PPARG: variants seen among roughly 807,000 people sequenced by gnomAD.
The protein encoded by PPARG is peroxisome proliferator-activated receptor gamma.
In PPARG, 17 loss-of-function variants were observed where a neutral mutation model predicts 39.2. That is an observed-to-expected ratio of 0.43 (90% CI 0.30 to 0.65). The LOEUF is 0.65. PPARG is among the 30% of genes least tolerant of loss of function. PPARG has a pLI of 0.13. For missense variants in PPARG, 406 were observed against 585.9 expected (o/e 0.69, Z 3.17); for synonymous variants, 223 against 215.7 (o/e 1.03, Z -0.30).
chr3:12,324,370 G>A (rs181524706), intron 2 of PPARG, among the ~76,000 whole-genome samples: 4 of 152,250 alleles, frequency 2.6e-5, no homozygotes, highest in African/African-American at 7.2e-5. Flanking sequence ...GGATAATGAG[G>A]TTGATGTGCC....
At chr3:12,300,658 T>C (rs567476760) in intron 1 of PPARG, among the ~76,000 whole-genome samples, 8 of 151,950 alleles carry the variant, frequency 5.3e-5, no homozygotes, top group African/African-American at 1.9e-4. Flanking sequence ...TCAGCCAAAG[T>C]AAAACATAAT....
chr3:12,325,554 T>C (rs2047670431), intron 2 of PPARG, among the ~76,000 whole-genome samples: 1 of 151,990 alleles, frequency 6.6e-6, no homozygotes, highest in South Asian at 2.1e-4. Flanking sequence ...TGAGCCGAGA[T>C]TGCACCACTG....
At chr3:12,402,513 C>T (rs1187355684) in intron 5 of PPARG, among the ~76,000 whole-genome samples, 1 of 152,164 alleles carries the variant, frequency 6.6e-6, no homozygotes, top group East Asian at 1.9e-4. Context: ...ACATGTTACT[C>T]ATATAATTTA....
intron 2 of PPARG, chr3:12,351,324 A>C: frequency 1.8e-6 from 1 of 546,544 alleles, no homozygotes; most frequent in South Asian, 2.0e-5. Flanking sequence ...TTTTCCCTGT[A>C]ATGTACCAAG....
chr3:12,434,227 A>G lies in PPARG; in HGVS notation c.*82A>G. 2 of 1,563,482 alleles carry G rather than the reference A, an allele frequency of 1.3e-6. No homozygotes were observed. The highest frequency in any genetic ancestry group is 1.1e-5 in the South Asian group (1 of 87,896). On this transcript the variant is annotated 3_prime_UTR_variant, in exon 8 of 8. Transcript: ENST00000651735. This position sits in a 1 kb window ranked among gnomAD's most constrained non-coding sequence, Gnocchi z 4.2. ...GGAAAATCTGACACCTAAGAAATTT[A>G]CTGTGAAAAAGCATTTTAAAAAGAA...
intron 5 of PPARG, among the ~76,000 whole-genome samples, chr3:12,393,558 T>C (rs1198378008): frequency 6.6e-6 from 1 of 152,156 alleles, no homozygotes; most frequent in African/African-American, 2.4e-5. Flanking sequence ...AAATAAATTT[T>C]AGGTGTAACT....
intron 2 of PPARG, among the ~76,000 whole-genome samples, chr3:12,374,681 T>C (rs2049342969): frequency 6.6e-6 from 1 of 152,148 alleles, no homozygotes; most frequent in South Asian, 2.1e-4. Context: ...CTTTAGGTGG[T>C]AATAATGTGT....
rs766913119 is a variant in PPARG, at chr3:12,405,911, G to T, written c.559G>T (p.Glu187Ter). Residue 187 changes from glutamate to a stop codon, truncating the protein, a stop_gained, in exon 6 of 8, where the codon GAG becomes TAG. Transcript: ENST00000651735. LOFTEE classifies it high-confidence loss of function. Reference protein sequence around the residue: ...AIRFGRMPQAEKEKLLAEISS... With the variant: ...AIRFGRMPQA ...CAGGTTTGGGCGGATGCCACAGGCC[G>T]AGAAGGAGAAGCTGTTGGCGGAGAT... The T allele has an allele frequency of 1.2e-6, 2 of 1,614,156 alleles. No individual in the cohort carries two copies. The highest frequency in any genetic ancestry group is 1.1e-5 in the South Asian group (1 of 91,084).
At chr3:12,320,299 G>T (rs1278082448) in intron 2 of PPARG, among the ~76,000 whole-genome samples, 1 of 152,158 alleles carries the variant, frequency 6.6e-6, no homozygotes, top group East Asian at 1.9e-4. Flanking sequence ...ACAAATTAAA[G>T]CTGAACAGAA....
chr3:12,328,101 A>G, intron 2 of PPARG: 4 of 1,415,778 alleles, frequency 2.8e-6, no homozygotes, highest in East Asian at 2.3e-5. Flanking sequence ...ATGAAGGTGT[A>G]GGAAGAATGT....
chr3:12,406,443 T>G lies in PPARG; in HGVS notation c.729+362T>G, dbSNP rs547574656. ...ACAGCAATATTCATTCAAGCAGCCT[T>G]GCTTTCCTCTGGGAAGAACCCGACC... On this transcript the variant is annotated intron_variant, in intron 6 of 7. Coordinates refer to ENST00000651735, the MANE Select transcript of PPARG (RefSeq NM_138711.6). 45 of 309,916 alleles carry G rather than the reference T, an allele frequency of 1.5e-4. No homozygotes were observed. The East Asian group carries it at 3.7e-3, about 25-fold the overall frequency. 19.2% of individuals were successfully genotyped at this position (309,916 alleles called of 1,614,324 possible). A position where few individuals can be genotyped will look rare whatever the true frequency, so the allele number is the denominator to read the frequency against.
intron 2 of PPARG, among the ~76,000 whole-genome samples, chr3:12,330,151 T>C (rs2047812218): frequency 6.6e-6 from 1 of 152,186 alleles, no homozygotes; most frequent in African/African-American, 2.4e-5. Context: ...TTTGGGTATA[T>C]ACCCAGGAGT....
intron 2 of PPARG, among the ~76,000 whole-genome samples, chr3:12,322,250 A>AG (rs1229385503): frequency 1.3e-5 from 2 of 152,252 alleles, no homozygotes; most frequent in African/African-American, 4.8e-5. Context: ...CGTTTGAAGC[A>AG]GGGCTTCTAA....
chr3:12,382,930 C>T (rs2049736562), intron 4 of PPARG, among the ~76,000 whole-genome samples: 1 of 152,102 alleles, frequency 6.6e-6, no homozygotes, highest in Non-Finnish European at 1.5e-5. Flanking sequence ...ATGATCATAC[C>T]ACTGCACTCC....
In PPARG at chr3:12,392,739, G is replaced by A. The variant is rs1316093811; in HGVS notation, c.516G>A (p.Gly172=). 1.2e-6 allele frequency: 2 copies of A among 1,613,764 alleles called. No individual in the cohort carries two copies. The highest frequency in any genetic ancestry group is 1.7e-6 in the Non-Finnish European group (2 of 1,179,784). The change falls in exon 5 of 8, where the codon GGG becomes GGA. Residue 172 remains glycine, a synonymous_variant. Transcript: ENST00000651735. ...YCRFQKCLAV[G]MSHNAIRFGR... The stretch of plus-strand genomic sequence containing the variant: ...GGTTTCAGAAATGCCTTGCAGTGGG[G>A]ATGTCTCATAATGGTAAGTAAACAG...
intron 7 of PPARG, among the ~76,000 whole-genome samples, chr3:12,431,227 C>T (rs1262940508): frequency 6.6e-6 from 1 of 152,058 alleles, no homozygotes; most frequent in East Asian, 1.9e-4. Flanking sequence ...AACTGAAACC[C>T]AAACTTTTTA....
intron 2 of PPARG, among the ~76,000 whole-genome samples, chr3:12,353,801 A>C (rs2048569068): frequency 6.6e-6 from 1 of 152,186 alleles, no homozygotes; most frequent in Non-Finnish European, 1.5e-5. Flanking sequence ...AAGCAACCCC[A>C]AGTAACCTCA....
At chr3:12,322,273 A>T (rs2047568317) in intron 2 of PPARG, among the ~76,000 whole-genome samples, 2 of 152,236 alleles carry the variant, frequency 1.3e-5, no homozygotes, top group African/African-American at 4.8e-5. Flanking sequence ...CACATGAAAG[A>T]CTAGACTAGT....
intron 2 of PPARG, among the ~76,000 whole-genome samples, chr3:12,333,247 A>G (rs2047912107): frequency 6.6e-6 from 1 of 152,350 alleles, no homozygotes; most frequent in East Asian, 1.9e-4. Flanking sequence ...TAAGTGCTTT[A>G]CATTATTCTC....
Sources: allele counts gnomAD v4.1 joint callset (sites outside exome capture counted in the v4.1 genomes callset), GRCh38; gene constraint gnomAD v4.1.1; non-coding constraint Gnocchi (gnomAD v3.1); transcripts MANE v1.5; gene names NCBI Gene and HGNC (gene_info 2026-07-23, HGNC 2026-07-21).